The following RSPO2 variants were observed in gnomAD, a reference collection of about 807,000 sequenced individuals.
RSPO2 encodes R-spondin-2.
In RSPO2, 14 loss-of-function variants were observed where a neutral mutation model predicts 30.9. The observed-to-expected ratio is 0.45, with a 90% CI of 0.30 to 0.71. RSPO2 has a LOEUF of 0.71. Among genes scored for constraint, RSPO2 ranks in the 30% least tolerant of loss-of-function variants. The pLI is 0.08. For synonymous variants in RSPO2, 107 were observed against 96.4 expected, an observed-to-expected ratio of 1.11 and a Z score of -0.64; for missense variants, 264 against 301.9, an observed-to-expected ratio of 0.87 and a Z score of 0.93.
chr8:107,951,055 TGTTGTTG>T (rs1813229636), intron 5 of RSPO2, among the ~76,000 whole-genome samples: 1 of 147,556 alleles, frequency 6.8e-6, no homozygotes, highest in Non-Finnish European at 1.5e-5. Context: ...TTTTTTTTGT[TGTTGTTG>T]TTGTTGTTGT....
Position 108,014,739 on chromosome 8 carries a change from A to C in RSPO2, c.95-25495T>G, listed in dbSNP as rs746436221. ...AGGGATAGCATTAGGAGAAATACCT[A>C]ATGTAGATGACGGGTTGATGAGCGC... On this transcript the variant is annotated intron_variant, in intron 2 of 5. Coordinates refer to ENST00000276659, the MANE Select transcript of RSPO2 (RefSeq NM_178565.5). Among the ~76,000 whole-genome samples the C allele has an allele frequency of 3.9e-5, 6 of 152,136 alleles. No individual in the cohort carries two copies. In the South Asian group the frequency reaches 8.3e-4, roughly 21 times the overall value.
intron 2 of RSPO2, among the ~76,000 whole-genome samples, chr8:108,047,610 G>T (rs984218936): frequency 6.6e-6 from 1 of 152,126 alleles, no homozygotes; most frequent in African/African-American, 2.4e-5. Flanking sequence ...CACTTTTGGA[G>T]GCCAAGGCAG....
At chr8:108,064,758 T>G (rs553038295) in intron 2 of RSPO2, among the ~76,000 whole-genome samples, 49 of 152,206 alleles carry the variant, frequency 3.2e-4, no homozygotes, top group East Asian at 7.7e-4. Context: ...CAATAGCAAA[T>G]ACTTGGAACC....
chr8:108,043,199 C>T (rs1208105845), intron 2 of RSPO2, among the ~76,000 whole-genome samples: 1 of 152,028 alleles, frequency 6.6e-6, no homozygotes, highest in African/African-American at 2.4e-5. Flanking sequence ...GCTTTTAAAC[C>T]TTAAGGGTAA....
intron 3 of RSPO2, among the ~76,000 whole-genome samples, chr8:107,988,668 C>T (rs1402545563): frequency 6.6e-6 from 1 of 152,058 alleles, no homozygotes; most frequent in Non-Finnish European, 1.5e-5. Context: ...CACTGTGTTG[C>T]CCAGGCTAGA....
intron 5 of RSPO2, among the ~76,000 whole-genome samples, chr8:107,910,935 A>G (rs771327919): frequency 2.0e-5 from 3 of 152,144 alleles, no homozygotes; most frequent in Admixed American, 1.3e-4. Context: ...AATGTGCCAT[A>G]GCATCCTGGT....
At chr8:108,025,242 C>T (rs115363766) in intron 2 of RSPO2, among the ~76,000 whole-genome samples, 1 of 152,154 alleles carries the variant, frequency 6.6e-6, no homozygotes, top group African/African-American at 2.4e-5. Context: ...AAATACCATT[C>T]TCAACTAAAA....
chr8:107,983,906 C>G, intron 3 of RSPO2: 1 of 1,328,636 alleles, frequency 7.5e-7, no homozygotes, highest in Non-Finnish European at 1.1e-6. Flanking sequence ...CTTGGATTTT[C>G]CATCTACAGA....
chr8:108,007,024 TCA>T (rs1815474425), intron 2 of RSPO2, among the ~76,000 whole-genome samples: 1 of 152,210 alleles, frequency 6.6e-6, no homozygotes, highest in Non-Finnish European at 1.5e-5. Context: ...TTGCCAGATC[TCA>T]GACATTTAAC....
intron 2 of RSPO2, among the ~76,000 whole-genome samples, chr8:107,995,939 A>T (rs984478321): frequency 3.3e-5 from 5 of 152,186 alleles, no homozygotes; most frequent in Admixed American, 2.6e-4. Context: ...ATGATTTGAA[A>T]ATCATTTTTG....
chr8:108,066,892 C>T (rs564130620), intron 2 of RSPO2, among the ~76,000 whole-genome samples: 8 of 152,220 alleles, frequency 5.3e-5, no homozygotes, highest in Non-Finnish European at 7.4e-5. Flanking sequence ...AATGGCACAA[C>T]GAGACATTGT....
At chr8:108,057,031 TG>T (rs1221530205) in intron 2 of RSPO2, among the ~76,000 whole-genome samples, 1 of 102,956 alleles carries the variant, frequency 9.7e-6, no homozygotes, top group Non-Finnish European at 1.8e-5. Flanking sequence ...CACTCCAGCC[TG>T]GCAACAGAGT....
At chr8:107,998,105 G>C (rs1166267953) in intron 2 of RSPO2, among the ~76,000 whole-genome samples, 1 of 151,812 alleles carries the variant, frequency 6.6e-6, no homozygotes, top group Non-Finnish European at 1.5e-5. Flanking sequence ...ATTTTTAAAT[G>C]AACAATTAAT....
At chr8:108,056,637 A>AG (rs1417579744) in intron 2 of RSPO2, among the ~76,000 whole-genome samples, 15 of 150,702 alleles carry the variant, frequency 1.0e-4, no homozygotes, top group African/African-American at 3.6e-4. Context: ...AAAAAAAAAA[A>AG]AAAAAAGAAA....
At chr8:108,023,726 C>A (rs1474541092) in intron 2 of RSPO2, among the ~76,000 whole-genome samples, 1 of 152,076 alleles carries the variant, frequency 6.6e-6, no homozygotes, top group African/African-American at 2.4e-5. Context: ...ATTAGACAAA[C>A]AAGTGTTTGG....
intron 3 of RSPO2, among the ~76,000 whole-genome samples, chr8:107,970,592 G>T (rs998370426): frequency 6.6e-6 from 1 of 152,196 alleles, no homozygotes; most frequent in Non-Finnish European, 1.5e-5. Context: ...GAGGATGCTG[G>T]AATTCAGTTG....
At chr8:107,983,259 A>T in intron 3 of RSPO2, 1 of 1,590,082 alleles carries the variant, frequency 6.3e-7, no homozygotes, top group Non-Finnish European at 8.6e-7. Flanking sequence ...TGAAGCTGAC[A>T]CAGTCTGAGC....
At chr8:107,932,871 C>T (rs1812593713) in intron 5 of RSPO2, among the ~76,000 whole-genome samples, 1 of 152,156 alleles carries the variant, frequency 6.6e-6, no homozygotes, top group Non-Finnish European at 1.5e-5. Flanking sequence ...TGTAAGGACA[C>T]TCATCCACAC....
intron 2 of RSPO2, among the ~76,000 whole-genome samples, chr8:108,002,136 G>T (rs1385185037): frequency 6.6e-6 from 1 of 152,138 alleles, no homozygotes; most frequent in Non-Finnish European, 1.5e-5. Context: ...CCAAGTGTTG[G>T]CTGGAGCTTT....
Sources: gnomAD v4.1 joint callset for allele counts (sites outside exome capture counted in the v4.1 genomes callset) on GRCh38, gnomAD v4.1.1 for gene constraint, MANE v1.5 for transcripts, NCBI Gene and HGNC (gene_info 2026-07-23, HGNC 2026-07-21) for gene names.